PKD1L3: variants seen among roughly 807,000 people sequenced by gnomAD.
The protein encoded by PKD1L3 is polycystin 1 like 3, transient receptor potential channel interacting.
In PKD1L3, 239 loss-of-function variants were observed where a neutral mutation model predicts 184.1. The ratio of observed to expected loss-of-function variants is 1.30; its 90% CI spans 1.17 to 1.45. The LOEUF (loss-of-function observed/expected upper bound fraction) is 1.45. Among genes scored for constraint, PKD1L3 ranks in the 40% most tolerant of loss-of-function variants. The pLI, the probability that PKD1L3 is intolerant of heterozygous loss-of-function variation, is 0.00. For synonymous variants in PKD1L3, 996 were observed against 778.8 expected (o/e 1.28, Z -4.64); for missense variants, 2,660 against 2,067.2 (o/e 1.29, Z -5.56).
intron 12 of PKD1L3, 75 bp downstream of exon 12, chr16:71,973,249 A>G: frequency 6.9e-7 from 1 of 1,454,910 alleles, no homozygotes. Context: ...GCTGCCCCAA[A>G]TGAGATAACG....
At chr16:71,983,900 T>C in intron 6 of PKD1L3, 136 bp downstream of exon 6, 1 of 1,229,690 alleles carries the variant, frequency 8.1e-7, no homozygotes, top group Admixed American at 2.8e-5. Flanking sequence ...TGGCCTCATG[T>C]GATCCGCCCG....
At chr16:71,954,335 G>C (rs1341562893) in intron 16 of PKD1L3, 34 bp from the exon 17 acceptor site, 2 of 1,448,252 alleles carry the variant, frequency 1.4e-6, no homozygotes, top group Non-Finnish European at 1.9e-6. Context: ...AAATACATGA[G>C]ATTTTATTCT....
Position 71,980,760 on chromosome 16 carries a change from G to A in PKD1L3, c.1144-626C>T, listed in dbSNP as rs528995889. ...TGAGGTGGAAGAATTGCTTAAACCC[G>A]GGAGGTGGAGGTTGCAGAGCACCCA... On this transcript the variant is annotated intron_variant, in intron 7 of 29. Transcript: ENST00000620267. Among the ~76,000 whole-genome samples the A allele has an allele frequency of 6.5e-4, 99 of 152,214 alleles. 1 individual carries two copies. The South Asian group carries it at 0.018, about 28-fold the overall frequency.
chr16:71,957,458 G>A (rs1043260817), intron 16 of PKD1L3, among the ~76,000 whole-genome samples: 1 of 152,154 alleles, frequency 6.6e-6, no homozygotes, highest in African/African-American at 2.4e-5. Context: ...ACTGTATTCT[G>A]TCTACAAGAG....
At chr16:71,975,234 T>C (rs1453988593) in intron 11 of PKD1L3, among the ~76,000 whole-genome samples, 1 of 151,666 alleles carries the variant, frequency 6.6e-6, no homozygotes, top group Non-Finnish European at 1.5e-5. Context: ...TTTTTTTTTT[T>C]TTTTGTGGAG....
chr16:71,969,903 C>G lies in PKD1L3; in HGVS notation c.2156G>C (p.Arg719Pro). ...CTGCATATCTGCTTGATCCTTTTTC[C>G]GAGCCCACACAACTGTGATCACATA... ...GFYVITVVWARKKDQADMQKV... is the reference protein window; with the variant it reads ...GFYVITVVWAPKKDQADMQKV... The change falls in exon 13 of 30, where the codon CGG becomes CCG. Residue 719 changes from arginine (R) to proline (P), a missense_variant. Arg to Pro is a moderately radical substitution (Grantham distance 103). Transcript: ENST00000620267. 6.5e-7 allele frequency: 1 copy of G among 1,549,836 alleles called. No individual in the cohort carries two copies. The highest frequency in any genetic ancestry group is 8.7e-7 in the Non-Finnish European group (1 of 1,145,532).
chr16:71,950,464 C>A (rs1474172160), intron 19 of PKD1L3, among the ~76,000 whole-genome samples, 154 bp from the exon 20 acceptor site: 1 of 152,216 alleles, frequency 6.6e-6, no homozygotes, highest in Non-Finnish European at 1.5e-5. Flanking sequence ...GTACTACCAT[C>A]TTCTCTAAGG....
intron 4 of PKD1L3, among the ~76,000 whole-genome samples, chr16:71,987,781 G>C (rs1357793754): frequency 6.6e-6 from 1 of 152,142 alleles, no homozygotes; most frequent in African/African-American, 2.4e-5. Context: ...TGAGATTACA[G>C]GCATGAGGCA....
intron 7 of PKD1L3, 136 bp downstream of exon 7, chr16:71,981,922 TG>T: frequency 1.0e-6 from 1 of 957,932 alleles, no homozygotes. Context: ...GGAGAAGGCA[TG>T]GCAGAGGAGT....
intron 2 of PKD1L3, among the ~76,000 whole-genome samples, chr16:71,995,428 TC>T (rs773607803): frequency 3.9e-5 from 6 of 152,210 alleles, no homozygotes; most frequent in Non-Finnish European, 5.9e-5. Context: ...TCCATCTTCA[TC>T]CTTTCTGCCC....
rs1269993323 is a variant in PKD1L3 at position 71,979,779 on chromosome 16, C to T, written c.1398+7G>A. 1.3e-6 allele frequency: 2 copies of T among 1,487,306 alleles called. No individual in the cohort carries two copies. The highest frequency in any genetic ancestry group is 1.8e-6 in the Non-Finnish European group (2 of 1,122,202). The allele number at this position is 1,487,306 out of a possible 1,614,324, so 92.1% of individuals were successfully genotyped here. A position where few individuals can be genotyped will look rare whatever the true frequency, so the allele number is the denominator to read the frequency against. ...TTCATTCTGATCACAATCAATTTCA[C>T]ACTCACTTGGACATTAACTCCTGGA... On this transcript the variant is annotated splice_region_variant and intron_variant, in intron 9 of 29. Transcript: ENST00000620267.
intron 1 of PKD1L3, among the ~76,000 whole-genome samples, chr16:71,998,896 G>A (rs1180416584): frequency 1.3e-5 from 2 of 152,056 alleles, no homozygotes; most frequent in Non-Finnish European, 2.9e-5. Flanking sequence ...TTATCTACAC[G>A]TTAATGAAGA....
intron 11 of PKD1L3, among the ~76,000 whole-genome samples, chr16:71,974,781 A>C (rs2039856383): frequency 1.3e-5 from 2 of 152,208 alleles, no homozygotes; most frequent in Non-Finnish European, 2.9e-5. Flanking sequence ...GGTAGTGAGC[A>C]TTGCTGCCTC....
In PKD1L3 at chr16:71,934,117, C is replaced by T. The variant is rs1308762894; in HGVS notation, c.4622G>A (p.Ser1541Asn). ...RYRDDQDRFISFYEAVKVNSA... is the reference protein window; with the variant it reads ...RYRDDQDRFINFYEAVKVNSA... ...GTTCACTTTTACTGCCTCATAGAAG[C>T]TGATGAATCTGCACCAAGGAAAGCT... is the stretch of plus-strand genomic sequence containing the variant. Residue 1541 changes from serine to asparagine, a missense_variant, in exon 27 of 30, where the codon AGC becomes AAC. Transcript: ENST00000620267. 1 of 1,551,850 alleles carries T rather than the reference C, an allele frequency of 6.4e-7. No individual in the cohort carries two copies. The highest frequency in any genetic ancestry group is 8.7e-7 in the Non-Finnish European group (1 of 1,147,046).
At position 71,949,931 on chromosome 16, in the gene PKD1L3, C is replaced by T. The variant is rs1325608291; in HGVS notation, c.3470G>A (p.Cys1157Tyr). Reference sequence around the variant, plus strand: ...GCTAGTGAAACCTAAGAGGAGCCAGCAGACTGAAGTCAACCATTTGGACAG... The same window carrying T: ...GCTAGTGAAACCTAAGAGGAGCCAGTAGACTGAAGTCAACCATTTGGACAG... Reference protein sequence around the residue: ...NGLSKWLTSVCWLLLGFTSLA... With the variant: ...NGLSKWLTSVYWLLLGFTSLA... Residue 1157 changes from cysteine (C) to tyrosine (Y), a missense_variant, in exon 21 of 30, where the codon TGC becomes TAC. Cys to Tyr is a radical substitution (Grantham distance 194). Transcript: ENST00000620267. 4 of 1,551,686 alleles carry T rather than the reference C, an allele frequency of 2.6e-6. No individual in the cohort carries two copies. The African/African-American group carries it at 5.5e-5, about 21-fold the overall frequency.
Position 71,951,578 on chromosome 16 carries a change from C to A in PKD1L3, c.3176G>T (p.Arg1059Leu). The A allele has an allele frequency of 1.3e-6, 2 of 1,550,324 alleles. No individual in the cohort carries two copies. The highest frequency in any genetic ancestry group is 1.7e-6 in the Non-Finnish European group (2 of 1,146,470). ...CTGAAGTTTACCACGTGCCCAGTGG[C>A]GCTCTCCCTGCTGATGACAGCCTTG... ...EGQGCHQQGE[R>L]HWARVVPENH... The change falls in exon 19 of 30, where the codon CGC (arginine) becomes CTC (leucine). Residue 1059 changes from arginine (R) to leucine (L), a missense_variant. By Grantham distance (102) the Arg-to-Leu change is moderately radical. Transcript: ENST00000620267.
intron 2 of PKD1L3, among the ~76,000 whole-genome samples, chr16:71,996,008 T>C (rs549915378): frequency 3.4e-4 from 51 of 152,214 alleles, no homozygotes; most frequent in Non-Finnish European, 5.7e-4. Context: ...GCAAAAATAC[T>C]GTGTAAGTGA....
chr16:71,963,218 G>C lies in PKD1L3; in HGVS notation c.2599C>G (p.Leu867Val). 7 of 1,549,604 alleles carry C rather than the reference G, an allele frequency of 4.5e-6. No individual in the cohort carries two copies. The highest frequency in any genetic ancestry group is 6.1e-6 in the Non-Finnish European group (7 of 1,146,056). The change falls in exon 16 of 30, where the codon CTC (leucine) becomes GTC (valine). Residue 867 changes from leucine to valine, a missense_variant. By Grantham distance (32) the Leu-to-Val change is conservative. Coordinates refer to ENST00000620267, the MANE Select transcript of PKD1L3 (RefSeq NM_181536.2). ...TTCCAACAGTACCTAAAGGAAAAGA[G>C]CTCTCTCTTTGAAACTGGGATGAAG... ...RVFIPVSKRELFSFRHLFSSM... is the reference protein window; with the variant it reads ...RVFIPVSKREVFSFRHLFSSM...
chr16:71,958,467 C>CATT (rs2039135721), intron 16 of PKD1L3, among the ~76,000 whole-genome samples: 22 of 151,208 alleles, frequency 1.5e-4, no homozygotes, highest in Admixed American at 9.9e-4. Flanking sequence ...GAGAAAAAAG[C>CATT]CCAGAGTAAT....
Sources: allele counts gnomAD v4.1 joint callset (sites outside exome capture counted in the v4.1 genomes callset), GRCh38; gene constraint gnomAD v4.1.1; transcripts MANE v1.5; gene names NCBI Gene and HGNC (gene_info 2026-07-23, HGNC 2026-07-21).